The following DLGAP2 variants were observed in gnomAD, a reference collection of about 807,000 sequenced individuals.
The protein encoded by DLGAP2 is disks large-associated protein 2.
DLGAP2 carries 26 observed loss-of-function variants against 100.3 expected under a neutral mutation model. The observed-to-expected ratio is 0.26, with a 90% CI of 0.19 to 0.36. DLGAP2 has a LOEUF of 0.36. DLGAP2 is among the 10% of genes least tolerant of loss of function. DLGAP2 has a pLI of 1.00. For missense variants in DLGAP2, 1,858 were observed against 1,453.2 expected (o/e 1.28, Z -4.53); for synonymous variants, 886 against 630.1 (o/e 1.41, Z -6.08).
intron 4 of DLGAP2, among the ~76,000 whole-genome samples, chr8:1,512,818 C>G (rs1409636531): frequency 1.3e-5 from 2 of 152,228 alleles, no homozygotes; most frequent in African/African-American, 4.8e-5. Context: ...TTTCTAAAGA[C>G]AGGTCACACT....
chr8:1,192,359 G>A (rs970205736), intron 2 of DLGAP2, among the ~76,000 whole-genome samples: 5 of 152,174 alleles, frequency 3.3e-5, no homozygotes, highest in South Asian at 2.1e-4. Flanking sequence ...AATACCTTGC[G>A]GAATAGCTCG....
intron 1 of DLGAP2, among the ~76,000 whole-genome samples, chr8:773,004 T>G (rs1821406274): frequency 6.6e-6 from 1 of 152,186 alleles, no homozygotes; most frequent in Non-Finnish European, 1.5e-5. Context: ...AACAGTAGGA[T>G]GGCATGGACA....
At chr8:1,641,095 C>G (rs1473504207) in intron 8 of DLGAP2, among the ~76,000 whole-genome samples, 1 of 152,040 alleles carries the variant, frequency 6.6e-6, no homozygotes, top group African/African-American at 2.4e-5. Flanking sequence ...GACAGGAGCC[C>G]CTGGTCTGTG....
At chr8:1,194,688 G>A (rs905012858) in intron 2 of DLGAP2, among the ~76,000 whole-genome samples, 3 of 152,212 alleles carry the variant, frequency 2.0e-5, no homozygotes, top group Non-Finnish European at 4.4e-5. Flanking sequence ...CCACAGGGTC[G>A]TCCCGGAGCT....
intron 3 of DLGAP2, among the ~76,000 whole-genome samples, chr8:1,452,629 G>T (rs1050014003): frequency 1.3e-5 from 2 of 152,208 alleles, no homozygotes; most frequent in Admixed American, 6.5e-5. Context: ...ATTCTGGAGG[G>T]AAACAGACCA....
intron 4 of DLGAP2, among the ~76,000 whole-genome samples, chr8:1,509,327 C>CTAAAA (rs769352573): frequency 3.1e-4 from 24 of 77,500 alleles, no homozygotes; most frequent in Admixed American, 1.5e-3. Flanking sequence ...AAGACTCCGT[C>CTAAAA]CAAAAAAAAA....
chr8:1,250,863 A>G (rs1189966875), intron 2 of DLGAP2, among the ~76,000 whole-genome samples: 3 of 152,204 alleles, frequency 2.0e-5, no homozygotes, highest in African/African-American at 7.2e-5. Flanking sequence ...CCAGGTAACG[A>G]CGGGGTGACG....
chr8:1,195,612 T>C (rs1362106578), intron 2 of DLGAP2, among the ~76,000 whole-genome samples: 1 of 152,254 alleles, frequency 6.6e-6, no homozygotes. Context: ...ATCTAATTCT[T>C]ATGTAAAAAT....
intron 3 of DLGAP2, among the ~76,000 whole-genome samples, chr8:1,312,976 T>G (rs1800647362): frequency 6.6e-6 from 1 of 152,218 alleles, no homozygotes; most frequent in African/African-American, 2.4e-5. Context: ...GTGTCTCATT[T>G]AAAAGTAGCA....
chr8:1,539,877 G>T, intron 4 of DLGAP2, among the ~76,000 whole-genome samples: 1 of 133,204 alleles, frequency 7.5e-6, no homozygotes, highest in African/African-American at 3.4e-5. Context: ...CCTTCTTCCT[G>T]TGCCCCCCAA....
chr8:1,128,248 G>A (rs937705010), intron 2 of DLGAP2, among the ~76,000 whole-genome samples: 1 of 151,332 alleles, frequency 6.6e-6, no homozygotes, highest in Non-Finnish European at 1.5e-5. Context: ...CCTGCTCCCG[G>A]TGTTGTGTTC....
At chr8:1,483,244 T>A (rs1007947205) in intron 3 of DLGAP2, among the ~76,000 whole-genome samples, 1 of 152,060 alleles carries the variant, frequency 6.6e-6, no homozygotes, top group Admixed American at 6.5e-5. Flanking sequence ...AAGGTTTTCA[T>A]GAGGAAGTGA....
At chr8:1,464,790 G>A (rs1049383223) in intron 3 of DLGAP2, among the ~76,000 whole-genome samples, 1 of 152,208 alleles carries the variant, frequency 6.6e-6, no homozygotes, top group African/African-American at 2.4e-5. Flanking sequence ...GAAGCACCGG[G>A]ACGTAGAGAG....
At chr8:898,447 T>G (rs1305653438) in intron 1 of DLGAP2, among the ~76,000 whole-genome samples, 8 of 152,216 alleles carry the variant, frequency 5.3e-5, no homozygotes, top group African/African-American at 1.9e-4. Context: ...TTGCACTTAC[T>G]GAGACGCTTC....
intron 2 of DLGAP2, among the ~76,000 whole-genome samples, chr8:1,188,162 C>G (rs1344098301): frequency 1.1e-4 from 14 of 122,296 alleles, no homozygotes; most frequent in East Asian, 2.7e-4. Context: ...CGTGACGTTT[C>G]CCTCACGGAA....
rs915364732 is a variant in DLGAP2 at position 1,298,821 on chromosome 8, C to A, written c.106+39938C>A. Among the ~76,000 whole-genome samples, 59 of 152,220 alleles carry A rather than the reference C, an allele frequency of 3.9e-4. 1 individual carries two copies. The highest frequency in any genetic ancestry group is 1.3e-3 in the African/African-American group (53 of 41,456). On this transcript the variant is annotated intron_variant, in intron 3 of 14. Coordinates refer to ENST00000637795, the MANE Select transcript of DLGAP2 (RefSeq NM_001346810.2). ...AGAGGCAATATAACGCTGGCCGTGG[C>A]AGCTCATGAACAGGTGCTGGTAATT... is the stretch of plus-strand genomic sequence containing the variant.
In DLGAP2 at chr8:1,549,128, C is replaced by A; in HGVS notation, c.675C>A (p.Ser225Arg). The A allele has an allele frequency of 6.3e-7, 1 of 1,589,596 alleles. No homozygotes were observed. The highest frequency in any genetic ancestry group is 8.5e-7 in the Non-Finnish European group (1 of 1,170,358). The change falls in exon 5 of 15, where the codon AGC becomes AGA. Residue 225 changes from serine (S) to arginine (R), a missense_variant. Coordinates refer to ENST00000637795, the MANE Select transcript of DLGAP2 (RefSeq NM_001346810.2). ...CGGCCGCCGAGCAGCGCAGCGAGAG[C>A]CCCGGGCGGATCCGCCACCTGGTAC... Reference protein sequence around the residue: ...TSAAAEQRSESPGRIRHLVHS... With the variant: ...TSAAAEQRSERPGRIRHLVHS...
chr8:1,561,178 C>T (rs1802145249), intron 5 of DLGAP2, among the ~76,000 whole-genome samples: 1 of 152,186 alleles, frequency 6.6e-6, no homozygotes, highest in Non-Finnish European at 1.5e-5. Context: ...CTTTGCTCCT[C>T]ATTCGCCTTC....
At chr8:1,205,814 C>G (rs1797977592) in intron 2 of DLGAP2, among the ~76,000 whole-genome samples, 1 of 152,182 alleles carries the variant, frequency 6.6e-6, no homozygotes, top group African/African-American at 2.4e-5. Flanking sequence ...TTCAGTCCGC[C>G]TGAGTGAGAA....
Sources: gnomAD v4.1 joint callset for allele counts (sites outside exome capture counted in the v4.1 genomes callset) on GRCh38, gnomAD v4.1.1 for gene constraint, MANE v1.5 for transcripts, NCBI Gene and HGNC (gene_info 2026-07-23, HGNC 2026-07-21) for gene names.